The following PKHD1 variants were observed in gnomAD, a reference collection of about 807,000 sequenced individuals.
PKHD1 encodes the protein PKHD1 ciliary IPT domain containing fibrocystin/polyductin.
A neutral mutation model predicts 412.0 loss-of-function variants in PKHD1; 291 were observed. That is an observed-to-expected ratio of 0.71 (90% confidence interval 0.64 to 0.78). The LOEUF is 0.78. Among genes scored for constraint, PKHD1 ranks in the 30% least tolerant of loss-of-function variants. The pLI, the probability that PKHD1 is intolerant of heterozygous loss-of-function variation, is 0.00. For synonymous variants in PKHD1, 1,777 were observed against 1,821.5 expected, an observed-to-expected ratio of 0.98 and a Z score of 0.62; for missense variants, 4,825 against 4,950.7, an observed-to-expected ratio of 0.97 and a Z score of 0.76.
chr6:51,694,247 G>A (rs961059471), intron 60 of PKHD1, among the ~76,000 whole-genome samples: 2 of 151,854 alleles, frequency 1.3e-5, no homozygotes, highest in Middle Eastern at 3.4e-3. Context: ...ACTACATTCT[G>A]GTCTCATCCT....
At chr6:51,959,728 T>A in intron 36 of PKHD1, 142 bp downstream of exon 36, 1 of 761,238 alleles carries the variant, frequency 1.3e-6, no homozygotes, top group East Asian at 2.6e-5. Flanking sequence ...CTTCTTCCTT[T>A]ACATAGTAAA....
chr6:51,819,715 G>C (rs545640036), intron 52 of PKHD1, among the ~76,000 whole-genome samples: 2 of 152,278 alleles, frequency 1.3e-5, no homozygotes, highest in Admixed American at 1.3e-4. Context: ...AATAGTTGCT[G>C]AATAAATGCA....
chr6:51,907,363 T>A (rs1199666391), intron 40 of PKHD1, among the ~76,000 whole-genome samples: 1 of 152,072 alleles, frequency 6.6e-6, no homozygotes, highest in Non-Finnish European at 1.5e-5. Flanking sequence ...CAATCTCAGC[T>A]CTCCTACTAC....
chr6:51,678,678 A>G (rs1361399749), intron 60 of PKHD1, among the ~76,000 whole-genome samples: 1 of 152,070 alleles, frequency 6.6e-6, no homozygotes, highest in African/African-American at 2.4e-5. Context: ...TTTTCCACCA[A>G]TCAAGAAAAA....
intron 55 of PKHD1, among the ~76,000 whole-genome samples, chr6:51,760,621 C>T (rs1339455619): frequency 6.6e-6 from 1 of 151,824 alleles, no homozygotes; most frequent in African/African-American, 2.4e-5. Context: ...GGAGCCAGTA[C>T]AAAAGTTGTT....
chr6:51,910,372 A>G (rs2127656785), intron 39 of PKHD1, among the ~76,000 whole-genome samples: 1 of 152,264 alleles, frequency 6.6e-6, no homozygotes, highest in South Asian at 2.1e-4. Context: ...ATCATTTGCT[A>G]TTACCCAGAG....
chr6:51,619,473 G>C lies in PKHD1; in HGVS notation c.11833C>G (p.Gln3945Glu), dbSNP rs145124509. 9.3e-6 allele frequency: 15 copies of C among 1,613,940 alleles called. No individual in the cohort carries two copies. The highest frequency in any genetic ancestry group is 1.3e-5 in the African/African-American group (1 of 74,920). The change falls in exon 67 of 67, where the codon CAG becomes GAG. Residue 3945 changes from glutamine (Q) to glutamate (E), a missense_variant. Physicochemically the swap from Gln to Glu is conservative, Grantham distance 29. Transcript: ENST00000371117. The stretch of plus-strand genomic sequence containing the variant: ...CTTCTGGACACTCCATTCATCAACT[G>C]GTGGGGGCACTGGTTCACCTTGCCC... ...MLGKVNQCPH[Q>E]LMNGVSRRKV...
rs752180505 is a variant in PKHD1, at chr6:51,659,856, T to A, written c.10270A>T (p.Ile3424Phe). 1 of 1,613,660 alleles carries A rather than the reference T, an allele frequency of 6.2e-7. No homozygotes were observed. Among genetic ancestry groups the A allele is most frequent in the East Asian group, 2.2e-5 (1 of 44,868 alleles). ...GATACAACTGGATATAACTTCTGAA[T>A]TGCCCAAATGGCATCAGCGCTATCA... is the stretch of plus-strand genomic sequence containing the variant. Reference protein sequence around the residue: ...ILDSADAIWAIQKLYPVVSVT... With the variant: ...ILDSADAIWAFQKLYPVVSVT... Residue 3424 changes from isoleucine to phenylalanine, a missense_variant, in exon 61 of 67, where the codon ATT becomes TTT. Transcript: ENST00000371117.
At chr6:51,709,095 C>T (rs1780347444) in intron 60 of PKHD1, among the ~76,000 whole-genome samples, 2 of 152,188 alleles carry the variant, frequency 1.3e-5, no homozygotes, top group African/African-American at 4.8e-5. Flanking sequence ...CCTTGATGCC[C>T]TGAACTTTCC....
intron 46 of PKHD1, among the ~76,000 whole-genome samples, chr6:51,873,472 G>T (rs898473902): frequency 6.6e-6 from 1 of 152,130 alleles, no homozygotes; most frequent in Non-Finnish European, 1.5e-5. Flanking sequence ...ACAGGATCTT[G>T]CTCTGGCAAT....
At chr6:51,799,849 G>T (rs1762634611) in intron 52 of PKHD1, among the ~76,000 whole-genome samples, 1 of 152,166 alleles carries the variant, frequency 6.6e-6, no homozygotes, top group Non-Finnish European at 1.5e-5. Context: ...CTCAGAAATA[G>T]TTATTTATAC....
chr6:51,712,581 C>T (rs1780784552), intron 60 of PKHD1, among the ~76,000 whole-genome samples: 1 of 152,110 alleles, frequency 6.6e-6, no homozygotes, highest in African/African-American at 2.4e-5. Flanking sequence ...TTCAGATATA[C>T]CATTTGTTTT....
At position 51,891,986 on chromosome 6, in the gene PKHD1, C is replaced by T. The variant is rs151205642; in HGVS notation, c.6997-4741G>A. 2.4e-3 allele frequency among the ~76,000 whole-genome samples: 364 copies of T among 152,182 alleles called. 1 individual carries two copies. The highest frequency in any genetic ancestry group is 8.4e-3 in the African/African-American group (347 of 41,526). On this transcript the variant is annotated intron_variant, in intron 43 of 66. Coordinates refer to ENST00000371117, the MANE Select transcript of PKHD1 (RefSeq NM_138694.4). Reference sequence around the variant, plus strand: ...CCAGCACATACTGACACAATTGCCCCGGGCTGTTTATTTAGCTTTAGCTTC... The same window carrying T: ...CCAGCACATACTGACACAATTGCCCTGGGCTGTTTATTTAGCTTTAGCTTC...
chr6:51,912,075 C>CA, intron 38 of PKHD1, 119 bp from the exon 39 acceptor site: 1 of 831,856 alleles, frequency 1.2e-6, no homozygotes, highest in Non-Finnish European at 2.0e-6. Context: ...TCTTTAGAAA[C>CA]TCAATACCAA....
At chr6:51,839,606 C>A (rs542960943) in intron 50 of PKHD1, among the ~76,000 whole-genome samples, 1 of 152,238 alleles carries the variant, frequency 6.6e-6, no homozygotes, top group South Asian at 2.1e-4. Flanking sequence ...AGAACTCTAT[C>A]CTCACTTAAG....
rs1224025430 is a variant in PKHD1 at position 51,619,043 on chromosome 6, A to G, written c.*38T>C. The G allele has an allele frequency of 1.3e-6, 2 of 1,580,732 alleles. No individual in the cohort carries two copies. Among genetic ancestry groups the G allele is most frequent in the South Asian group, 1.1e-5 (1 of 90,222 alleles). On this transcript the variant is annotated 3_prime_UTR_variant, in exon 67 of 67. Transcript: ENST00000371117. ...CTTATTATCCAGAAATACTGGGAAC[A>G]TTCTGCCTTTCAGGCCAAATGCCCC...
At chr6:51,700,512 C>G (rs1779295359) in intron 60 of PKHD1, among the ~76,000 whole-genome samples, 1 of 151,968 alleles carries the variant, frequency 6.6e-6, no homozygotes, top group South Asian at 2.1e-4. Context: ...GGGTCACTGC[C>G]TCAAGATCAT....
At chr6:52,009,556 G>A (rs950063547) in intron 35 of PKHD1, among the ~76,000 whole-genome samples, 1 of 152,162 alleles carries the variant, frequency 6.6e-6, no homozygotes, top group South Asian at 2.1e-4. Flanking sequence ...AGGCACCTAA[G>A]GGAGTAGGTG....
At chr6:52,069,345 G>C in intron 11 of PKHD1, 112 bp downstream of exon 11, 1 of 809,116 alleles carries the variant, frequency 1.2e-6, no homozygotes, top group Non-Finnish European at 2.2e-6. Flanking sequence ...TATGATTGTA[G>C]GGACAGCTTC....
Sources: allele counts gnomAD v4.1 joint callset (sites outside exome capture counted in the v4.1 genomes callset), GRCh38; gene constraint gnomAD v4.1.1; transcripts MANE v1.5; gene names NCBI Gene and HGNC (gene_info 2026-07-23, HGNC 2026-07-21).